The following STAP1 variants were observed in gnomAD, a reference collection of about 807,000 sequenced individuals.
STAP1 encodes the protein signal transducing adaptor family member 1, also known as signal-transducing adaptor protein 1.
In STAP1, 30 loss-of-function variants were observed where a neutral mutation model predicts 37.8. The ratio of observed to expected loss-of-function variants is 0.79; its 90% CI spans 0.59 to 1.08. The LOEUF (loss-of-function observed/expected upper bound fraction) is 1.08, where lower values mean the gene tolerates loss of function less well. Ranked by LOEUF, STAP1 falls within the 50% of genes least tolerant of loss-of-function variation. The pLI is 0.00. For synonymous variants in STAP1, 130 were observed against 116.0 expected, an observed-to-expected ratio of 1.12 and a Z score of -0.78; for missense variants, 357 against 349.4, an observed-to-expected ratio of 1.02 and a Z score of -0.17.
chr4:67,590,892 G>C lies in STAP1; in HGVS notation c.668G>C (p.Arg223Thr). Residue 223 changes from arginine (R) to threonine (T), a missense_variant, in exon 7 of 9, where the codon AGA becomes ACA. Physicochemically the swap from Arg to Thr is moderately conservative, Grantham distance 71. Coordinates refer to ENST00000265404, the MANE Select transcript of STAP1 (RefSeq NM_012108.4). Reference sequence around the variant, plus strand: ...CATTTGTTTCATTGTAGCATTCCAAGAATCAAGCACTACAAAGTGATGAGC... The same window carrying C: ...CATTTGTTTCATTGTAGCATTCCAACAATCAAGCACTACAAAGTGATGAGC... The part of the protein sequence containing the change: ...ITIRQEIDIP[R>T]IKHYKVMSVG... The C allele has an allele frequency of 6.2e-7, 1 of 1,609,846 alleles. No homozygotes were observed. The highest frequency in any genetic ancestry group is 8.5e-7 in the Non-Finnish European group (1 of 1,178,232).
At chr4:67,559,505 G>T (rs924136497) in intron 1 of STAP1, among the ~76,000 whole-genome samples, 5 of 151,908 alleles carry the variant, frequency 3.3e-5, no homozygotes, top group African/African-American at 1.2e-4. Flanking sequence ...ACTACTGTGG[G>T]TATTAAGTAC....
intron 1 of STAP1, among the ~76,000 whole-genome samples, chr4:67,567,079 A>G (rs1727486672): frequency 6.6e-6 from 1 of 152,204 alleles, no homozygotes; most frequent in East Asian, 1.9e-4. Context: ...AACACTTTAC[A>G]TCCTATATAA....
chr4:67,587,999 C>A (rs1185620557), intron 6 of STAP1, among the ~76,000 whole-genome samples: 3 of 120,618 alleles, frequency 2.5e-5, no homozygotes, highest in Admixed American at 1.1e-4. Context: ...GCTGGGATTA[C>A]AGGTGTGAGC....
chr4:67,567,797 C>T (rs1280335649), intron 1 of STAP1, among the ~76,000 whole-genome samples: 1 of 152,176 alleles, frequency 6.6e-6, no homozygotes, highest in Non-Finnish European at 1.5e-5. Context: ...CCCTCCCTTC[C>T]CAGTCATTCC....
At chr4:67,562,084 A>G (rs1023896721) in intron 1 of STAP1, among the ~76,000 whole-genome samples, 30 of 139,420 alleles carry the variant, frequency 2.2e-4, no homozygotes, top group Non-Finnish European at 3.3e-4. Context: ...AAAAAAAAAA[A>G]AAAAAAAGAA....
intron 5 of STAP1, among the ~76,000 whole-genome samples, chr4:67,583,109 A>G (rs1468922427): frequency 6.6e-6 from 1 of 152,252 alleles, no homozygotes; most frequent in African/African-American, 2.4e-5. Flanking sequence ...ATGCCATAGA[A>G]AGACATATTA....
chr4:67,603,615 G>C (rs536752317), intron 8 of STAP1, among the ~76,000 whole-genome samples: 1 of 152,068 alleles, frequency 6.6e-6, no homozygotes, highest in African/African-American at 2.4e-5. Flanking sequence ...CCAGGACTGA[G>C]TCCTTCCCTT....
chr4:67,600,820 T>C (rs1728322991), intron 8 of STAP1, among the ~76,000 whole-genome samples: 1 of 152,220 alleles, frequency 6.6e-6, no homozygotes, highest in East Asian at 1.9e-4. Context: ...TTTCTATTTG[T>C]GGAATATCTG....
rs577474772 is a variant in STAP1, at chr4:67,583,649, G to A, written c.606G>A (p.Leu202=). Residue 202 remains leucine (L), a synonymous_variant, in exon 6 of 9, where the codon CTG becomes CTA. Transcript: ENST00000265404. The part of the protein sequence containing the change: ...QKNPSLGNMI[L]RPGSDSRNYS... ...ACCCTTCTTTGGGAAATATGATCCT[G>A]AGGCCTGGTAGTGACAGTAGAAACT... The A allele has an allele frequency of 6.2e-6, 10 of 1,614,014 alleles. No individual in the cohort carries two copies. In the South Asian group the frequency reaches 1.1e-4, roughly 18 times the overall value.
chr4:67,591,016 C>A, intron 7 of STAP1, 63 bp downstream of exon 7: 1 of 1,352,054 alleles, frequency 7.4e-7, no homozygotes, highest in Non-Finnish European at 1.0e-6. Context: ...CCTCCTAGTG[C>A]TGGCAAAAAG....
intron 6 of STAP1, among the ~76,000 whole-genome samples, chr4:67,585,159 A>G (rs1187181537): frequency 2.6e-5 from 4 of 152,192 alleles, no homozygotes; most frequent in Admixed American, 2.0e-4. Context: ...TGTTCAGTAA[A>G]TGACTTTCTT....
At chr4:67,605,388 C>CAAAA (rs10643250) in intron 8 of STAP1, among the ~76,000 whole-genome samples, 3 of 124,738 alleles carry the variant, frequency 2.4e-5, no homozygotes, top group African/African-American at 6.1e-5. Context: ...ATAGACAATA[C>CAAAA]AAAAAAAAAA....
At position 67,575,413 on chromosome 4, in the gene STAP1, T is replaced by C. The variant is rs371433434; in HGVS notation, c.221T>C (p.Leu74Pro). 16 of 1,601,168 alleles carry C rather than the reference T, an allele frequency of 1.0e-5. No individual in the cohort carries two copies. The highest frequency in any genetic ancestry group is 1.4e-5 in the Non-Finnish European group (16 of 1,176,578). Residue 74 changes from leucine (L) to proline (P), a missense_variant, in exon 3 of 9, where the codon CTC becomes CCC. Coordinates refer to ENST00000265404, the MANE Select transcript of STAP1 (RefSeq NM_012108.4). ...GTTGACAAATTAGACATAGTAGACCTCACATGCCTTACTGAGCAGAATTCA... is the reference window on the plus strand; with the variant it reads ...GTTGACAAATTAGACATAGTAGACCCCACATGCCTTACTGAGCAGAATTCA... ...IYVDKLDIVD[L>P]TCLTEQNSTE...
At chr4:67,606,144 T>A (rs1416015582) in intron 8 of STAP1, 152 bp from the exon 9 acceptor site, 6 of 554,662 alleles carry the variant, frequency 1.1e-5, no homozygotes, top group African/African-American at 5.9e-5. Flanking sequence ...TAAAAAAGCA[T>A]CTGAATATTC....
chr4:67,604,614 TC>T (rs1290849363), intron 8 of STAP1, among the ~76,000 whole-genome samples: 1 of 152,266 alleles, frequency 6.6e-6, no homozygotes, highest in Non-Finnish European at 1.5e-5. Flanking sequence ...AGTGTTGGCA[TC>T]CATTGTCTTT....
intron 5 of STAP1, among the ~76,000 whole-genome samples, chr4:67,582,782 A>G (rs1578029577): frequency 6.6e-6 from 1 of 152,218 alleles, no homozygotes; most frequent in African/African-American, 2.4e-5. Flanking sequence ...TCGAGTACCC[A>G]TACAACCATT....
chr4:67,595,244 C>T (rs1318375218), intron 8 of STAP1, among the ~76,000 whole-genome samples: 1 of 151,692 alleles, frequency 6.6e-6, no homozygotes, highest in Admixed American at 6.6e-5. Context: ...TGTTCCAGCC[C>T]CATTTGTTTA....
chr4:67,585,844 C>G (rs1370842490), intron 6 of STAP1, among the ~76,000 whole-genome samples: 1 of 152,154 alleles, frequency 6.6e-6, no homozygotes, highest in Non-Finnish European at 1.5e-5. Context: ...TTACTATATC[C>G]TGGTCAAGAA....
At position 67,604,216 on chromosome 4, in the gene STAP1, T is replaced by C. The variant is rs777632881; in HGVS notation, c.827-2080T>C. Among the ~76,000 whole-genome samples the C allele has an allele frequency of 1.3e-5, 2 of 152,194 alleles. 1 individual carries two copies. Among genetic ancestry groups the C allele is most frequent in the South Asian group, 4.1e-4 (2 of 4,824 alleles). On this transcript the variant is annotated intron_variant, in intron 8 of 8. Coordinates refer to ENST00000265404, the MANE Select transcript of STAP1 (RefSeq NM_012108.4). ...TCTTTTCCTAAGCACACAGATTCTC[T>C]CTCTGCACGAGCAGCCACTGCTGGG... is the stretch of plus-strand genomic sequence containing the variant.
Sources: allele counts gnomAD v4.1 joint callset (sites outside exome capture counted in the v4.1 genomes callset), GRCh38; gene constraint gnomAD v4.1.1; transcripts MANE v1.5; gene names NCBI Gene and HGNC (gene_info 2026-07-23, HGNC 2026-07-21).